The following CSMD2 variants were observed in gnomAD, a reference collection of about 807,000 sequenced individuals.
The protein encoded by CSMD2 is CUB and sushi domain-containing protein 2.
CSMD2 carries 130 observed loss-of-function variants against 398.5 expected under a neutral mutation model. That is an observed-to-expected ratio of 0.33 (90% CI 0.28 to 0.38). The LOEUF (loss-of-function observed/expected upper bound fraction) is 0.38. Among genes scored for constraint, CSMD2 ranks in the 10% least tolerant of loss-of-function variants. The pLI, the probability that CSMD2 is intolerant of heterozygous loss-of-function variation, is 1.00. For synonymous variants in CSMD2, 1,828 were observed against 1,908.5 expected (o/e 0.96, Z 1.10); for missense variants, 3,829 against 4,764.9 (o/e 0.80, Z 5.78).
At chr1:34,004,742 G>A (rs1403970895) in intron 3 of CSMD2, among the ~76,000 whole-genome samples, 1 of 152,070 alleles carries the variant, frequency 6.6e-6, no homozygotes, top group Non-Finnish European at 1.5e-5. Context: ...TTTTTAGAAC[G>A]AGATGGCCTG....
At chr1:33,579,867 TG>T (rs1638571753) in intron 48 of CSMD2, among the ~76,000 whole-genome samples, 1 of 152,026 alleles carries the variant, frequency 6.6e-6, no homozygotes, top group Admixed American at 6.6e-5. Context: ...TTAGTAGAGA[TG>T]GGGTTTCACT....
At chr1:33,771,471 C>T (rs921922395) in intron 13 of CSMD2, among the ~76,000 whole-genome samples, 7 of 152,072 alleles carry the variant, frequency 4.6e-5, no homozygotes, top group Admixed American at 4.6e-4. Context: ...TTAAGGGTGA[C>T]TTGATCTTTA....
chr1:33,687,879 A>C (rs534608780), intron 25 of CSMD2, among the ~76,000 whole-genome samples: 2 of 152,344 alleles, frequency 1.3e-5, no homozygotes, highest in Non-Finnish European at 2.9e-5. Context: ...CAAATTGTCC[A>C]AACAGAAAAC....
rs371748655 is a variant in CSMD2 at position 34,123,090 on chromosome 1, C to T, written c.188-33897G>A. On this transcript the variant is annotated intron_variant, in intron 1 of 70. Transcript: ENST00000373381. ...TAACTCCTAAAATCCTTGGGATCTC[C>T]CAAGTGCTGTCTTTCTTTTGTGTGA... Among the ~76,000 whole-genome samples, 274 of 152,252 alleles carry T rather than the reference C, an allele frequency of 1.8e-3. 1 individual carries two copies. Among genetic ancestry groups the T allele is most frequent in the African/African-American group, 6.2e-3 (258 of 41,554 alleles).
In CSMD2 at chr1:33,935,806, G is replaced by T. The variant is rs756257366; in HGVS notation, c.666C>A (p.Gly222=). The T allele has an allele frequency of 6.2e-7, 1 of 1,613,788 alleles. No homozygotes were observed. Among genetic ancestry groups the T allele is most frequent in the Admixed American group, 1.7e-5 (1 of 60,002 alleles). ...AGTCCCACGTGGCGCTGTTCTCAGA[G>T]CCAGCGTGGCAGGTGAGCACGGCGT... is the stretch of plus-strand genomic sequence containing the variant. ...EGHAVLTCHA[G]SENSATWDFP... The change falls in exon 4 of 71, where the codon GGC becomes GGA. Residue 222 remains glycine (G), a synonymous_variant. Coordinates refer to ENST00000373381, the MANE Select transcript of CSMD2 (RefSeq NM_001281956.2).
chr1:33,539,782 T>A (rs546321182), intron 60 of CSMD2, among the ~76,000 whole-genome samples: 1 of 152,100 alleles, frequency 6.6e-6, no homozygotes, highest in Admixed American at 6.5e-5. Context: ...TATGTGAAGG[T>A]TGGAAAGGGT....
chr1:33,881,263 T>C (rs7546062), intron 5 of CSMD2, among the ~76,000 whole-genome samples: 78,096 of 152,018 alleles, frequency 0.51, 20,147 homozygotes, highest in Non-Finnish European at 0.56. Context: ...AGACAGTCAG[T>C]CTTCCCTCCT....
intron 3 of CSMD2, among the ~76,000 whole-genome samples, chr1:34,032,291 T>C (rs1650551748): frequency 6.6e-6 from 1 of 152,008 alleles, no homozygotes; most frequent in Admixed American, 6.5e-5. Context: ...AAGCCCAATA[T>C]AAAACAGAAT....
chr1:34,162,892 AAAG>A (rs1641483618), intron 1 of CSMD2, among the ~76,000 whole-genome samples: 1 of 152,194 alleles, frequency 6.6e-6, no homozygotes, highest in Admixed American at 6.5e-5. Context: ...GAAGAAAAGA[AAAG>A]AAATGTACTG....
rs192919944 is a variant in CSMD2, at chr1:33,532,563, T to G, written c.10171+487A>C. Among the ~76,000 whole-genome samples the G allele has an allele frequency of 1.6e-3, 244 of 152,294 alleles. 1 individual carries two copies. The highest frequency in any genetic ancestry group is 5.5e-3 in the African/African-American group (228 of 41,554). On this transcript the variant is annotated intron_variant, in intron 64 of 70. Transcript: ENST00000373381. ...TCCAAATATAAAATCTGATAACGTG[T>G]CTGTCTTCCACATGGCAGGGTTGTG...
chr1:34,112,910 T>C (rs1352873134), intron 1 of CSMD2: 1 of 152,074 alleles, frequency 6.6e-6, no homozygotes, highest in Non-Finnish European at 1.5e-5. Flanking sequence ...GGGTGTGTAA[T>C]ATAGGAAAGC....
chr1:33,600,541 G>A, intron 44 of CSMD2: 1 of 511,652 alleles, frequency 2.0e-6, no homozygotes, highest in Non-Finnish European at 3.5e-6. Context: ...AAGTGCTAAG[G>A]GATAAGCTGG....
chr1:33,603,317 A>G (rs1173423437), intron 42 of CSMD2, among the ~76,000 whole-genome samples: 1 of 152,190 alleles, frequency 6.6e-6, no homozygotes, highest in East Asian at 1.9e-4. Context: ...GGATGAAAAG[A>G]CTTTGACATC....
At chr1:34,061,880 G>A (rs76728899) in intron 2 of CSMD2, among the ~76,000 whole-genome samples, 31 of 152,240 alleles carry the variant, frequency 2.0e-4, no homozygotes, top group African/African-American at 5.8e-4. Context: ...CATTATTGCC[G>A]TCTATGCACA....
In CSMD2 at chr1:33,802,615, G is replaced by T. The variant is rs150173341; in HGVS notation, c.1446+8128C>A. On this transcript the variant is annotated intron_variant, in intron 10 of 70. Transcript: ENST00000373381. The stretch of plus-strand genomic sequence containing the variant: ...AAGGATCCTCCTGCGTAGGTGTCAG[G>T]GATGCATCATAATCATTCCATGACT... Among the ~76,000 whole-genome samples the T allele has an allele frequency of 2.7e-3, 412 of 152,272 alleles. 5 individuals are homozygous for T. Among genetic ancestry groups the T allele is most frequent in the South Asian group, 0.022 (108 of 4,832 alleles).
chr1:33,717,705 GGAGAAGAGGGCTAGGA>G (rs891641818), intron 19 of CSMD2, among the ~76,000 whole-genome samples: 56 of 151,748 alleles, frequency 3.7e-4, no homozygotes, highest in African/African-American at 1.3e-3. Flanking sequence ...CCACAAGCAA[GGAGAAGAGGGCTAGGA>G]GAGAAGAGGG....
chr1:33,584,046 CAGTTGGTTGGAATCACTTCCTAGAT>C (rs2148738110), intron 46 of CSMD2, among the ~76,000 whole-genome samples: 1 of 152,242 alleles, frequency 6.6e-6, no homozygotes, highest in Non-Finnish European at 1.5e-5. Flanking sequence ...TGAGCTTTGC[CAGTTGGTTGGAATCACTTCCTAGAT>C]AAGTTGTGGG....
chr1:33,883,337 G>T (rs77851779), intron 5 of CSMD2, among the ~76,000 whole-genome samples: 2,377 of 152,230 alleles, frequency 0.016, 32 homozygotes, highest in Non-Finnish European at 0.023. Context: ...AAATATCTCC[G>T]AGCCTCAGAT....
chr1:34,059,088 T>C (rs1361977665), intron 2 of CSMD2, among the ~76,000 whole-genome samples: 1 of 152,160 alleles, frequency 6.6e-6, no homozygotes, highest in East Asian at 1.9e-4. Context: ...CACAAGTAAG[T>C]GAGCAATGAC....
Sources: allele counts gnomAD v4.1 joint callset (sites outside exome capture counted in the v4.1 genomes callset), GRCh38; gene constraint gnomAD v4.1.1; transcripts MANE v1.5; gene names NCBI Gene and HGNC (gene_info 2026-07-23, HGNC 2026-07-21).